ATP6V0A1: variants seen among roughly 807,000 people sequenced by gnomAD.
ATP6V0A1 encodes the protein ATPase H+ transporting V0 subunit a1.
ATP6V0A1 carries 43 observed loss-of-function variants against 105.4 expected under a neutral mutation model. That is an observed-to-expected ratio of 0.41 (90% CI 0.32 to 0.53). The LOEUF (loss-of-function observed/expected upper bound fraction) is 0.53, where lower values mean the gene tolerates loss of function less well. Among genes scored for constraint, ATP6V0A1 ranks in the 20% least tolerant of loss-of-function variants. The pLI, the probability that ATP6V0A1 is intolerant of heterozygous loss-of-function variation, is 0.30. For synonymous variants in ATP6V0A1, 362 were observed against 372.8 expected (o/e 0.97, Z 0.33); for missense variants, 676 against 1,051.1 (o/e 0.64, Z 4.93).
intron 17 of ATP6V0A1, among the ~76,000 whole-genome samples, chr17:42,503,932 C>CT (rs757124727): frequency 6.6e-6 from 1 of 152,216 alleles, no homozygotes; most frequent in Non-Finnish European, 1.5e-5. Context: ...CACATACTAC[C>CT]TATTGTCAAT....
At chr17:42,517,240 A>G (rs558965205) in intron 21 of ATP6V0A1, among the ~76,000 whole-genome samples, 2 of 152,286 alleles carry the variant, frequency 1.3e-5, no homozygotes, top group Admixed American at 6.5e-5. Flanking sequence ...AGATCGCGCC[A>G]CTGCACTGCA....
intron 21 of ATP6V0A1, among the ~76,000 whole-genome samples, chr17:42,515,515 G>A (rs1352814530): frequency 6.6e-6 from 1 of 150,890 alleles, no homozygotes; most frequent in Non-Finnish European, 1.5e-5. Context: ...GCCAGGCACG[G>A]TGGTTCACTC....
chr17:42,501,279 G>T lies in ATP6V0A1; in HGVS notation c.1979G>T (p.Arg660Leu). 1 of 1,613,872 alleles carries T rather than the reference G, an allele frequency of 6.2e-7. No homozygotes were observed. Among genetic ancestry groups the T allele is most frequent in the East Asian group, 2.2e-5 (1 of 44,870 alleles). Residue 660 changes from arginine (R) to leucine (L), a missense_variant, in exon 17 of 22, where the codon CGT becomes CTT. Coordinates refer to ENST00000343619, the MANE Select transcript of ATP6V0A1 (RefSeq NM_001130021.3). The stretch of plus-strand genomic sequence containing the variant: ...CTGTTTAAACCATTGGTCCTTCGCC[G>T]TCAGTATTTGAGGAGAAAGCATTTG... ...MLLFKPLVLR[R>L]QYLRRKHLGT...
chr17:42,490,434 T>C (rs9899168), intron 10 of ATP6V0A1, 53 bp from the exon 11 acceptor site: 1,491,228 of 1,501,990 alleles, frequency 0.99, 740,934 homozygotes, highest in East Asian at 1. Context: ...GTGTAACCAC[T>C]ACCACAATTA....
chr17:42,485,231 A>G (rs1366776725), intron 9 of ATP6V0A1, among the ~76,000 whole-genome samples: 1 of 152,062 alleles, frequency 6.6e-6, no homozygotes, highest in Non-Finnish European at 1.5e-5. Flanking sequence ...TTTGAGATAC[A>G]CTTAACCTGT....
In ATP6V0A1 at chr17:42,495,676, C is replaced by G. The variant is rs757393538; in HGVS notation, c.1520C>G (p.Pro507Arg). The change falls in exon 14 of 22, where the codon CCT (proline) becomes CGT (arginine). Residue 507 changes from proline to arginine, a missense_variant. Physicochemically the swap from Pro to Arg is moderately radical, Grantham distance 103 (BLOSUM62 -2). This residue lies in a region of ATP6V0A1 where 435 missense variants were observed against 642.2 expected (regional missense o/e 0.68). Coordinates refer to ENST00000343619, the MANE Select transcript of ATP6V0A1 (RefSeq NM_001130021.3). ...GTTCTACAGCTGAACCCAGCCCTCCCTGGAGTGTTTGGTGGACCATACCCT... is the reference window on the plus strand; with the variant it reads ...GTTCTACAGCTGAACCCAGCCCTCCGTGGAGTGTTTGGTGGACCATACCCT... The part of the protein sequence containing the change: ...NPVLQLNPAL[P>R]GVFGGPYPFG... The G allele has an allele frequency of 2.5e-6, 4 of 1,614,114 alleles. No homozygotes were observed. In the South Asian group the frequency reaches 4.4e-5, roughly 18 times the overall value.
Position 42,500,930 on chromosome 17 carries a change from C to G in ATP6V0A1, c.1896+7C>G. ...AATGTTGTATTCTGGACAGGTACGT[C>G]AGCCCAGAGGCAGACTGTCTGAGAT... On this transcript the variant is annotated splice_region_variant and intron_variant, in intron 16 of 21. Coordinates refer to ENST00000343619, the MANE Select transcript of ATP6V0A1 (RefSeq NM_001130021.3). The G allele has an allele frequency of 6.2e-7, 1 of 1,604,948 alleles. No individual in the cohort carries two copies. The highest frequency in any genetic ancestry group is 8.5e-7 in the Non-Finnish European group (1 of 1,171,634).
intron 17 of ATP6V0A1, among the ~76,000 whole-genome samples, chr17:42,505,023 A>G (rs183019067): frequency 1.3e-5 from 2 of 150,666 alleles, no homozygotes; most frequent in African/African-American, 2.4e-5. Flanking sequence ...AGATTGTTTC[A>G]TAGTGATAAT....
At chr17:42,513,620 G>A (rs2092459615) in intron 19 of ATP6V0A1, 1 of 521,998 alleles carries the variant, frequency 1.9e-6, no homozygotes, top group Non-Finnish European at 3.5e-6. Flanking sequence ...TGTATTGAGG[G>A]GAATGGAGGT....
rs2090630352 is a variant in ATP6V0A1 at position 42,491,578 on chromosome 17, G to A, written c.1174+941G>A. 1.3e-5 allele frequency among the ~76,000 whole-genome samples: 2 copies of A among 152,166 alleles called. 1 individual carries two copies. Among genetic ancestry groups the A allele is most frequent in the South Asian group, 4.1e-4 (2 of 4,834 alleles). ...AGCTCACCACATCCTCTGCCTCCCA[G>A]GTTCAAGCGATTCTCCTGCCTCAGC... On this transcript the variant is annotated intron_variant, in intron 11 of 21. Transcript: ENST00000343619.
chr17:42,469,347 T>TTC (rs1416391369), intron 4 of ATP6V0A1, among the ~76,000 whole-genome samples: 2 of 141,880 alleles, frequency 1.4e-5, no homozygotes, highest in African/African-American at 5.5e-5. Context: ...TTTTTTTTTT[T>TTC]CCAGACAGAG....
chr17:42,512,115 G>A (rs956748624), intron 19 of ATP6V0A1, among the ~76,000 whole-genome samples: 1 of 152,168 alleles, frequency 6.6e-6, no homozygotes, highest in Non-Finnish European at 1.5e-5. Flanking sequence ...ACTCTGCAGC[G>A]ATTCATGGTT....
At chr17:42,464,949 T>A (rs541711062) in intron 2 of ATP6V0A1, among the ~76,000 whole-genome samples, 2 of 152,180 alleles carry the variant, frequency 1.3e-5, no homozygotes, top group East Asian at 1.9e-4. Flanking sequence ...TGGGTTCATC[T>A]TCTTCTCTAT....
chr17:42,474,127 C>T (rs540501800), intron 5 of ATP6V0A1, among the ~76,000 whole-genome samples: 50 of 151,984 alleles, frequency 3.3e-4, no homozygotes, highest in African/African-American at 1.2e-3. Context: ...CTCAGCCTCC[C>T]GAGCAGCTGT....
chr17:42,495,534 G>A (rs1350915731), intron 13 of ATP6V0A1, 92 bp from the exon 14 acceptor site: 1 of 962,248 alleles, frequency 1.0e-6, no homozygotes, highest in African/African-American at 1.6e-5. Context: ...AGACAAGATA[G>A]CTACAGTAAT....
intron 11 of ATP6V0A1, among the ~76,000 whole-genome samples, chr17:42,494,010 G>C (rs548912123): frequency 6.6e-6 from 1 of 152,078 alleles, no homozygotes; most frequent in Non-Finnish European, 1.5e-5. Context: ...TTGGGAGGCC[G>C]AGGCAGGTGG....
intron 2 of ATP6V0A1, among the ~76,000 whole-genome samples, chr17:42,461,469 T>A (rs2086391232): frequency 6.6e-6 from 1 of 152,176 alleles, no homozygotes; most frequent in African/African-American, 2.4e-5. Flanking sequence ...TTGGAGAAGC[T>A]ATCTAAAGAA....
intron 21 of ATP6V0A1, among the ~76,000 whole-genome samples, chr17:42,516,510 CG>C (rs1247221714): frequency 6.6e-6 from 1 of 152,186 alleles, no homozygotes; most frequent in Non-Finnish European, 1.5e-5. Context: ...CCTCAGTGCA[CG>C]AGAACCTCTG....
chr17:42,468,155 A>C (rs371998791), intron 4 of ATP6V0A1, 48 bp downstream of exon 4: 24 of 1,319,938 alleles, frequency 1.8e-5, no homozygotes, highest in Non-Finnish European at 1.9e-5. Context: ...ACTTGAACGC[A>C]GAAATTACTT....
Sources: allele counts gnomAD v4.1 joint callset (sites outside exome capture counted in the v4.1 genomes callset), GRCh38; gene constraint gnomAD v4.1.1; regional missense constraint gnomAD v4.1.1; transcripts MANE v1.5; gene names NCBI Gene and HGNC (gene_info 2026-07-23, HGNC 2026-07-21).